Variants in CFAP46 observed in about 807,000 individuals in gnomAD.
CFAP46 encodes cilia- and flagella-associated protein 46.
CFAP46 carries 245 observed loss-of-function variants against 325.7 expected under a neutral mutation model. The observed-to-expected ratio is 0.75, with a 90% CI of 0.68 to 0.84. CFAP46 has a LOEUF of 0.84. Ranked by LOEUF, CFAP46 falls within the 40% of genes least tolerant of loss-of-function variation. The pLI, the probability that CFAP46 is intolerant of heterozygous loss-of-function variation, is 0.00. For missense variants in CFAP46, 3,346 were observed against 3,543.0 expected (o/e 0.94, Z 1.41); for synonymous variants, 1,523 against 1,495.9 (o/e 1.02, Z -0.42).
intron 31 of CFAP46, among the ~76,000 whole-genome samples, chr10:132,874,790 A>C (rs979296403): frequency 2.0e-5 from 3 of 152,166 alleles, no homozygotes; most frequent in Admixed American, 6.5e-5. Context: ...ATCGATAAAA[A>C]CCTACAACAA....
At position 132,913,736 on chromosome 10, in the gene CFAP46, A is replaced by G. The variant is rs1324316656; in HGVS notation, c.2121-478T>C. On this transcript the variant is annotated intron_variant, in intron 17 of 57. Transcript: ENST00000368586. Reference sequence around the variant, plus strand: ...GCTAAAGAGAGTGTGGACTCTTCCTATGAGACTCTCTTGTTTCCGGAAGTC... The same window carrying G: ...GCTAAAGAGAGTGTGGACTCTTCCTGTGAGACTCTCTTGTTTCCGGAAGTC... Among the ~76,000 whole-genome samples the G allele has an allele frequency of 2.0e-5, 3 of 152,106 alleles. No homozygotes were observed. The East Asian group carries it at 5.8e-4, about 30-fold the overall frequency.
chr10:132,879,151 G>A (rs961806026), intron 29 of CFAP46, among the ~76,000 whole-genome samples: 5 of 152,192 alleles, frequency 3.3e-5, no homozygotes, highest in African/African-American at 9.7e-5. Flanking sequence ...AGGGAGCCAC[G>A]AGCCCCTCCC....
intron 44 of CFAP46, among the ~76,000 whole-genome samples, chr10:132,837,989 G>A (rs544467259): frequency 6.6e-6 from 1 of 152,350 alleles, no homozygotes; most frequent in Admixed American, 6.5e-5. Flanking sequence ...AGACATGCAC[G>A]GACACACGTG....
chr10:132,937,121 G>A, intron 6 of CFAP46, 66 bp from the exon 7 acceptor site: 1 of 938,344 alleles, frequency 1.1e-6, no homozygotes, highest in East Asian at 2.8e-5. Flanking sequence ...CAGATTTTGT[G>A]TCTAGATTTT....
At position 132,877,471 on chromosome 10, in the gene CFAP46, G is replaced by T. The variant is rs1288756277; in HGVS notation, c.4212+410C>A. 2.0e-5 allele frequency among the ~76,000 whole-genome samples: 3 copies of T among 152,196 alleles called. No individual in the cohort carries two copies. The highest frequency in any genetic ancestry group is 7.2e-5 in the African/African-American group (3 of 41,462). On this transcript the variant is annotated intron_variant, in intron 30 of 57. Coordinates refer to ENST00000368586, the MANE Select transcript of CFAP46 (RefSeq NM_001200049.3). The surrounding 1 kb of genome is among the most constrained non-coding windows in gnomAD (Gnocchi z 5.7). ...AAAAAAACACTTTTCTCACTGCTCT[G>T]GGACCCAGGCCCTGGGCTGTGTCTG...
At position 132,893,112 on chromosome 10, in the gene CFAP46, G is replaced by A. The variant is rs117845608; in HGVS notation, c.3220-695C>T. The stretch of plus-strand genomic sequence containing the variant: ...CACGCACACTGAGAGGCAAAATGGC[G>A]GAGTTTCACTGGTCTATGACCTTCC... On this transcript the variant is annotated intron_variant, in intron 24 of 57. Transcript: ENST00000368586. 9.9e-3 allele frequency among the ~76,000 whole-genome samples: 1,508 copies of A among 152,300 alleles called. 18 individuals are homozygous for A. The highest frequency in any genetic ancestry group is 0.016 in the Non-Finnish European group (1,087 of 68,018).
At chr10:132,935,679 A>C (rs1591101200) in intron 7 of CFAP46, among the ~76,000 whole-genome samples, 1 of 110,726 alleles carries the variant, frequency 9.0e-6, no homozygotes, top group African/African-American at 4.0e-5. Flanking sequence ...AGATCTCCTC[A>C]CTCCCCTCAC....
chr10:132,812,796 A>C lies in CFAP46; in HGVS notation c.7490T>G (p.Met2497Arg). 1 of 1,611,826 alleles carries C rather than the reference A, an allele frequency of 6.2e-7. No individual in the cohort carries two copies. Among genetic ancestry groups the C allele is most frequent in the Non-Finnish European group, 8.5e-7 (1 of 1,179,394 alleles). Residue 2497 changes from methionine (M) to arginine (R), a missense_variant, in exon 55 of 58, where the codon ATG (methionine) becomes AGG (arginine). Transcript: ENST00000368586. ...SHILVERLVA[M>R]NLQECQVAVL... is the part of the protein sequence containing the mutation. Reference sequence around the variant, plus strand: ...AGGACACCTCTCACCTTGCAAGTTCATGGCGACCAATCTCTCCACTAATAT... The same window carrying C: ...AGGACACCTCTCACCTTGCAAGTTCCTGGCGACCAATCTCTCCACTAATAT...
rs1564770497 is a variant in CFAP46 at position 132,831,900 on chromosome 10, GTT to G, written c.7117+1456_7117+1457del. Among the ~76,000 whole-genome samples the G allele has an allele frequency of 8.6e-5, 13 of 150,458 alleles. No individual in the cohort carries two copies. The South Asian group carries it at 2.3e-3, about 27-fold the overall frequency. ...TGCTATAAACTCTGTGGGGTTTTTT[GTT>G]TGTTTTTCTTGTTTTGTTTTTATTG... On this transcript the variant is annotated intron_variant, in intron 50 of 57. Transcript: ENST00000368586.
At chr10:132,930,405 A>G (rs1849876354) in intron 8 of CFAP46, among the ~76,000 whole-genome samples, 1 of 144,752 alleles carries the variant, frequency 6.9e-6, no homozygotes, top group Admixed American at 6.9e-5. Flanking sequence ...CTCTCCACAC[A>G]GAGCCTGAGC....
intron 9 of CFAP46, among the ~76,000 whole-genome samples, chr10:132,928,436 C>G (rs903387060): frequency 1.3e-5 from 2 of 152,250 alleles, no homozygotes; most frequent in Non-Finnish European, 2.9e-5. Flanking sequence ...CTTGACCACG[C>G]TTCCCACCTG....
chr10:132,909,797 G>T, intron 20 of CFAP46, 122 bp downstream of exon 20: 1 of 926,790 alleles, frequency 1.1e-6, no homozygotes, highest in East Asian at 3.1e-5. Context: ...GAGTGCCCAG[G>T]CCATCCGTGA....
At chr10:132,912,574 C>CCTCT in intron 19 of CFAP46, 81 bp downstream of exon 19, 1 of 1,311,614 alleles carries the variant, frequency 7.6e-7, no homozygotes, top group Non-Finnish European at 1.0e-6. Flanking sequence ...TCCTCTTTCA[C>CCTCT]CTCTCCTCTC....
rs540460030 is a variant in CFAP46, at chr10:132,922,475, G to A, written c.1485+5C>T. The stretch of plus-strand genomic sequence containing the variant: ...CCAGCCTCCCTCACTTCCCCGGGGC[G>A]GCACCTGCTCAACGGCCATGATGGC... On this transcript the variant is annotated splice_donor_5th_base_variant and intron_variant, in intron 12 of 57. Coordinates refer to ENST00000368586, the MANE Select transcript of CFAP46 (RefSeq NM_001200049.3). 2.0e-4 allele frequency: 310 copies of A among 1,528,804 alleles called. 1 individual carries two copies. In the African/African-American group the frequency reaches 3.5e-3, roughly 17 times the overall value. The allele number at this position is 1,528,804 out of a possible 1,614,324, so 94.7% of individuals were successfully genotyped here.
Position 132,916,419 on chromosome 10 carries a change from C to T in CFAP46, c.2120+130G>A, listed in dbSNP as rs117993508. On this transcript the variant is annotated intron_variant, in intron 17 of 57. Coordinates refer to ENST00000368586, the MANE Select transcript of CFAP46 (RefSeq NM_001200049.3). ...TCAGTCATTTACGTGACGATGGACA[C>T]GTCCCCCACGCAAGAAGCCGGTGTC... is the stretch of plus-strand genomic sequence containing the variant. The T allele has an allele frequency of 3.5e-3, 3,454 of 994,192 alleles. 12 individuals carry two copies. The highest frequency in any genetic ancestry group is 4.3e-3 in the Non-Finnish European group (3,101 of 713,104). 61.6% of individuals were successfully genotyped at this position (994,192 alleles called of 1,614,324 possible).
intron 27 of CFAP46, among the ~76,000 whole-genome samples, chr10:132,883,496 C>T (rs1176207037): frequency 3.3e-5 from 5 of 152,318 alleles, no homozygotes; most frequent in South Asian, 2.1e-4. Flanking sequence ...GTGGAGAAAC[C>T]GCAGCCCACG....
At chr10:132,912,550 T>G (rs1361321031) in intron 19 of CFAP46, 105 bp downstream of exon 19, 12 of 1,111,760 alleles carry the variant, frequency 1.1e-5, no homozygotes, top group African/African-American at 1.7e-5. Context: ...CCTCTCTCTC[T>G]CTCTTCACCT....
intron 22 of CFAP46, among the ~76,000 whole-genome samples, chr10:132,903,221 C>T (rs1366828287): frequency 6.6e-6 from 1 of 152,188 alleles, no homozygotes; most frequent in Non-Finnish European, 1.5e-5. Flanking sequence ...ACTTCTCTAG[C>T]GCAGGATGGC....
intron 39 of CFAP46, among the ~76,000 whole-genome samples, chr10:132,856,363 G>C (rs996920667): frequency 6.6e-6 from 1 of 152,096 alleles, no homozygotes; most frequent in South Asian, 2.1e-4. Flanking sequence ...CTGTGGGTTT[G>C]TATTTATTTT....
Sources: gnomAD v4.1 joint callset for allele counts (sites outside exome capture counted in the v4.1 genomes callset) on GRCh38, gnomAD v4.1.1 for gene constraint, Gnocchi (gnomAD v3.1) non-coding constraint, MANE v1.5 for transcripts, NCBI Gene and HGNC (gene_info 2026-07-23, HGNC 2026-07-21) for gene names.